Variants in ROBO2 observed in about 807,000 individuals in gnomAD.
ROBO2 encodes the protein roundabout guidance receptor 2.
Under a neutral mutation model 160.8 loss-of-function variants are expected in ROBO2, and 53 were observed. The observed-to-expected ratio is 0.33, with a 90% CI of 0.26 to 0.41. The LOEUF is 0.41. Among genes scored for constraint, ROBO2 ranks in the 10% least tolerant of loss-of-function variants. ROBO2 has a pLI of 1.00. For synonymous variants in ROBO2, 664 were observed against 611.7 expected (o/e 1.09, Z -1.26); for missense variants, 1,577 against 1,722.4 (o/e 0.92, Z 1.49).
At chr3:76,175,863 C>T (rs1396716789) in intron 2 of ROBO2, among the ~76,000 whole-genome samples, 1 of 152,116 alleles carries the variant, frequency 6.6e-6, no homozygotes, top group African/African-American at 2.4e-5. Flanking sequence ...AATATGCTTT[C>T]TGGGCAAGAG....
intron 2 of ROBO2, among the ~76,000 whole-genome samples, chr3:77,344,301 A>G (rs554560207): frequency 2.0e-5 from 3 of 152,310 alleles, no homozygotes; most frequent in African/African-American, 7.2e-5. Context: ...ACCTTACTTT[A>G]AAATATGCAA....
At chr3:75,968,561 C>T (rs867713034) in intron 2 of ROBO2, among the ~76,000 whole-genome samples, 6 of 151,460 alleles carry the variant, frequency 4.0e-5, no homozygotes, top group Non-Finnish European at 7.4e-5. Context: ...TATCCATCAC[C>T]GTCCATAGTT....
At chr3:76,288,937 A>G (rs1708666878) in intron 2 of ROBO2, among the ~76,000 whole-genome samples, 1 of 152,162 alleles carries the variant, frequency 6.6e-6, no homozygotes, top group African/African-American at 2.4e-5. Context: ...GCTATTGTGA[A>G]TAGTGCTACT....
intron 2 of ROBO2, among the ~76,000 whole-genome samples, chr3:76,641,005 G>A (rs2090647427): frequency 2.6e-5 from 4 of 152,122 alleles, no homozygotes; most frequent in African/African-American, 9.7e-5. Flanking sequence ...ATATGTAAAT[G>A]CAGAATAATT....
intron 19 of ROBO2, among the ~76,000 whole-genome samples, chr3:77,599,788 A>T (rs1319768710): frequency 6.6e-6 from 1 of 151,598 alleles, no homozygotes; most frequent in Non-Finnish European, 1.5e-5. Flanking sequence ...AGGAAACCAT[A>T]AAAAAAATTA....
At chr3:76,799,306 T>C (rs1399413875) in intron 2 of ROBO2, among the ~76,000 whole-genome samples, 1 of 152,102 alleles carries the variant, frequency 6.6e-6, no homozygotes, top group African/African-American at 2.4e-5. Flanking sequence ...GCCTTTCATC[T>C]AAGATCTTGA....
chr3:77,551,306 A>T (rs973049602), intron 8 of ROBO2, among the ~76,000 whole-genome samples: 1 of 152,042 alleles, frequency 6.6e-6, no homozygotes, highest in Admixed American at 6.6e-5. Context: ...TTAGGCTGAC[A>T]TGATTGGCTC....
intron 2 of ROBO2, among the ~76,000 whole-genome samples, chr3:77,200,249 T>G: frequency 1.7e-5 from 2 of 120,324 alleles, no homozygotes; most frequent in East Asian, 4.6e-4. Flanking sequence ...TGTGTATGTA[T>G]ATCCTAACTA....
chr3:76,018,297 T>G (rs897145320), intron 2 of ROBO2, among the ~76,000 whole-genome samples: 1 of 151,902 alleles, frequency 6.6e-6, no homozygotes, highest in African/African-American at 2.4e-5. Flanking sequence ...AATATAACAA[T>G]CATTGTTGAT....
At chr3:77,643,867 T>C (rs566890180) in intron 24 of ROBO2, among the ~76,000 whole-genome samples, 1 of 152,088 alleles carries the variant, frequency 6.6e-6, no homozygotes, top group Non-Finnish European at 1.5e-5. Context: ...TTTAGAAAGG[T>C]TACACCATTC....
intron 2 of ROBO2, among the ~76,000 whole-genome samples, chr3:76,079,362 A>G (rs1387344871): frequency 6.6e-6 from 1 of 152,142 alleles, no homozygotes. Flanking sequence ...AATAACCCTC[A>G]TTTGATCATT....
chr3:76,222,267 G>T, intron 2 of ROBO2, among the ~76,000 whole-genome samples: 1 of 152,106 alleles, frequency 6.6e-6, no homozygotes, highest in East Asian at 1.9e-4. Flanking sequence ...CTGACTGAGA[G>T]GCATAAGGTA....
intron 2 of ROBO2, among the ~76,000 whole-genome samples, chr3:77,237,923 T>C (rs896850776): frequency 6.6e-6 from 1 of 152,214 alleles, no homozygotes; most frequent in Admixed American, 6.5e-5. Context: ...TGTTCTGTAT[T>C]TTGCCCAGTC....
At chr3:77,336,855 A>T (rs2066548694) in intron 2 of ROBO2, among the ~76,000 whole-genome samples, 1 of 152,198 alleles carries the variant, frequency 6.6e-6, no homozygotes, top group African/African-American at 2.4e-5. Flanking sequence ...TGAATTGGTG[A>T]TGCCTTTCCC....
At chr3:76,028,766 A>G (rs912778689) in intron 2 of ROBO2, among the ~76,000 whole-genome samples, 2 of 152,038 alleles carry the variant, frequency 1.3e-5, no homozygotes, top group African/African-American at 4.8e-5. Context: ...AAGTCTCTTA[A>G]TAACATAAGC....
chr3:76,914,405 G>T (rs1245704484), intron 2 of ROBO2, among the ~76,000 whole-genome samples: 1 of 151,686 alleles, frequency 6.6e-6, no homozygotes, highest in African/African-American at 2.4e-5. Context: ...GAGTAGCAGA[G>T]AAATAGGAAA....
chr3:77,384,642 G>C (rs2073909008), intron 2 of ROBO2, among the ~76,000 whole-genome samples: 1 of 152,152 alleles, frequency 6.6e-6, no homozygotes, highest in African/African-American at 2.4e-5. Context: ...TGAAATATAA[G>C]TGATACTCAA....
chr3:77,231,974 TTC>T (rs1158256144), intron 2 of ROBO2, among the ~76,000 whole-genome samples: 1 of 152,222 alleles, frequency 6.6e-6, no homozygotes, highest in Non-Finnish European at 1.5e-5. Flanking sequence ...TTGGATATTT[TTC>T]TTTCTTTGAA....
intron 1 of ROBO2, among the ~76,000 whole-genome samples, chr3:75,917,656 G>C (rs1353345859): frequency 6.6e-6 from 1 of 152,172 alleles, no homozygotes; most frequent in Non-Finnish European, 1.5e-5. Context: ...GCCACCAGTG[G>C]TGTAAAAGTG....
Sources: allele counts gnomAD v4.1 joint callset (sites outside exome capture counted in the v4.1 genomes callset), GRCh38; gene constraint gnomAD v4.1.1; transcripts MANE v1.5; gene names NCBI Gene and HGNC (gene_info 2026-07-23, HGNC 2026-07-21).